The following IDS variants were observed in gnomAD, a reference collection of about 807,000 sequenced individuals.
The protein encoded by IDS is iduronate 2-sulfatase.
IDS carries 1 observed loss-of-function variant against 33.5 expected under a neutral mutation model. The observed-to-expected ratio is 0.03, with a 90% CI of 0.01 to 0.14. The LOEUF (loss-of-function observed/expected upper bound fraction) is 0.14, where lower values mean the gene tolerates loss of function less well. IDS is among the 10% of genes least tolerant of loss of function. IDS has a pLI of 1.00. For missense variants in IDS, 328 were observed against 448.0 expected (o/e 0.73, Z 2.42); for synonymous variants, 191 against 184.4 (o/e 1.04, Z -0.29).
intron 6 of IDS, among the ~76,000 whole-genome samples, chrX:149,493,213 G>A (rs2089408196): frequency 8.9e-6 from 1 of 112,324 alleles, no homozygotes; most frequent in African/African-American, 3.2e-5. Flanking sequence ...GATATAGTGG[G>A]GGGCCTGGGA....
intron 7 of IDS, among the ~76,000 whole-genome samples, chrX:149,488,686 G>A (rs1432571261): frequency 9.1e-6 from 1 of 110,383 alleles, no homozygotes; most frequent in Non-Finnish European, 1.9e-5. Context: ...CTGACTGCAA[G>A]ATCGTATTGA....
chrX:149,488,533 G>T (rs782754830), intron 7 of IDS, among the ~76,000 whole-genome samples: 1 of 108,581 alleles, frequency 9.2e-6, no homozygotes, highest in Non-Finnish European at 1.9e-5. Flanking sequence ...GCAGCCAGGC[G>T]CTCTGTGGCA....
Position 149,480,518 on chromosome X carries a change from T to C in IDS, c.*2228A>G, listed in dbSNP as rs2089290151. The C allele has an allele frequency of 3.4e-6, 1 of 295,832 alleles. No homozygotes were observed. 24.4% of individuals were successfully genotyped at this position (295,832 alleles called of 1,213,427 possible). A position where few individuals can be genotyped will look rare whatever the true frequency, so the allele number is the denominator to read the frequency against. On this transcript the variant is annotated 3_prime_UTR_variant, in exon 9 of 9. Coordinates refer to ENST00000340855, the MANE Select transcript of IDS (RefSeq NM_000202.8). ...CAAAGAAAATCACAGTCCTGCTGTGTTGCCGAGGCTGGAATACAATGGCAC... is the reference window on the plus strand; with the variant it reads ...CAAAGAAAATCACAGTCCTGCTGTGCTGCCGAGGCTGGAATACAATGGCAC...
Position 149,498,018 on chromosome X carries a change from T to G in IDS, c.708+89A>C, listed in dbSNP as rs781862264. On this transcript the variant is annotated intron_variant, in intron 5 of 8. Coordinates refer to ENST00000340855, the MANE Select transcript of IDS (RefSeq NM_000202.8). ...ACCATGGTGCCTGGCGATGGCAGGA[T>G]GTAGCCACCTTCCCTGTGCAAATCC... is the stretch of plus-strand genomic sequence containing the variant. 1.1e-4 allele frequency: 88 copies of G among 817,213 alleles called. No homozygotes were observed. In the South Asian group the frequency reaches 1.9e-3, roughly 17 times the overall value. The allele number at this position is 817,213 out of a possible 1,213,427, so 67.3% of individuals were successfully genotyped here. A position where few individuals can be genotyped will look rare whatever the true frequency, so the allele number is the denominator to read the frequency against.
intron 8 of IDS, among the ~76,000 whole-genome samples, chrX:149,483,748 C>T (rs2089312401): frequency 8.9e-6 from 1 of 112,237 alleles, no homozygotes; most frequent in Non-Finnish European, 1.9e-5. Flanking sequence ...CACCATCTAT[C>T]TCCAGAACTC....
rs181631888 is a variant in IDS, at chrX:149,494,469, G to C, written c.879+1877C>G. ...GCCCCTGAGGTCACTGGCTCATGTA[G>C]AGCTGAGTTAGAGGGCTGGAGCTGA... On this transcript the variant is annotated intron_variant, in intron 6 of 8. Coordinates refer to ENST00000340855, the MANE Select transcript of IDS (RefSeq NM_000202.8). Among the ~76,000 whole-genome samples, 348 of 111,837 alleles carry C rather than the reference G, an allele frequency of 3.1e-3. 4 individuals are homozygous for C. Among genetic ancestry groups the C allele is most frequent in the African/African-American group, 9.3e-3 (285 of 30,738 alleles).
chrX:149,483,906 G>A (rs782592055), intron 8 of IDS, among the ~76,000 whole-genome samples: 1 of 112,560 alleles, frequency 8.9e-6, no homozygotes, highest in Non-Finnish European at 1.9e-5. Flanking sequence ...GGATTATACA[G>A]TATTTGTCCT....
chrX:149,490,445 A>C lies in IDS; in HGVS notation c.880-5T>G, dbSNP rs781798596. ...GTAGCTCTGGCGGATTTTCCGCTGCAAATTGAAAAAAAATAAAAATGAGAG... is the reference window on the plus strand; with the variant it reads ...GTAGCTCTGGCGGATTTTCCGCTGCCAATTGAAAAAAAATAAAAATGAGAG... On this transcript the variant is annotated splice_region_variant and splice_polypyrimidine_tract_variant and intron_variant, in intron 6 of 8. Coordinates refer to ENST00000340855, the MANE Select transcript of IDS (RefSeq NM_000202.8). 8.3e-7 allele frequency: 1 copy of C among 1,210,297 alleles called. No individual in the cohort carries two copies. Among genetic ancestry groups the C allele is most frequent in the South Asian group, 1.8e-5 (1 of 56,937 alleles).
Position 149,477,173 on chromosome X carries a change from AG to A in IDS, c.*5572del, listed in dbSNP as rs1345577843. ...CCCAAAACTACAATAAATTAGGGCA[AG>A]GGGTTTGTAAATGGCAGCTTCAGTC... is the stretch of plus-strand genomic sequence containing the variant. On this transcript the variant is annotated 3_prime_UTR_variant, in exon 9 of 9. Transcript: ENST00000340855. 1 of 112,407 alleles carries A rather than the reference AG, an allele frequency of 8.9e-6. No individual in the cohort carries two copies. The highest frequency in any genetic ancestry group is 9.4e-5 in the Admixed American group (1 of 10,667). The allele number at this position is 112,407 out of a possible 1,213,427, so 9.3% of individuals were successfully genotyped here.
intron 7 of IDS, among the ~76,000 whole-genome samples, chrX:149,488,594 C>T (rs2089361138): frequency 9.3e-6 from 1 of 107,121 alleles, no homozygotes; most frequent in Non-Finnish European, 1.9e-5. Flanking sequence ...TTGTGAGCTG[C>T]CCTGCACCAG....
At chrX:149,502,221 A>G (rs1557340081) in intron 3 of IDS, 1 of 320,146 alleles carries the variant, frequency 3.1e-6, no homozygotes, top group Admixed American at 3.2e-5. Flanking sequence ...TGGTGCTTAG[A>G]GCCTGGTGCC....
intron 6 of IDS, among the ~76,000 whole-genome samples, chrX:149,492,147 T>C (rs1557338817): frequency 8.9e-6 from 1 of 112,021 alleles, no homozygotes. Flanking sequence ...CCACACTCCC[T>C]TGTACCTACT....
intron 6 of IDS, among the ~76,000 whole-genome samples, chrX:149,492,160 T>G (rs944918960): frequency 8.9e-6 from 1 of 112,072 alleles, no homozygotes; most frequent in East Asian, 2.8e-4. Flanking sequence ...TACCTACTCC[T>G]TGCCCTCTGC....
At chrX:149,504,446 T>C (rs1409640516) in intron 1 of IDS, among the ~76,000 whole-genome samples, 153 bp from the exon 2 acceptor site, 1 of 110,045 alleles carries the variant, frequency 9.1e-6, no homozygotes, top group Non-Finnish European at 1.9e-5. Context: ...AGGGTGGGAG[T>C]GGGGCTCGAG....
At chrX:149,494,975 A>G (rs2089424208) in intron 6 of IDS, among the ~76,000 whole-genome samples, 1 of 111,703 alleles carries the variant, frequency 9.0e-6, no homozygotes, top group South Asian at 3.7e-4. Context: ...GGCTCCACCC[A>G]GCACTAATTT....
chrX:149,494,724 C>T (rs2089421977), intron 6 of IDS, among the ~76,000 whole-genome samples: 1 of 112,058 alleles, frequency 8.9e-6, no homozygotes, highest in African/African-American at 3.3e-5. Context: ...GTCCTAGATA[C>T]TTCTACATGC....
At chrX:149,491,026 A>G (rs1557338676) in intron 6 of IDS, among the ~76,000 whole-genome samples, 2 of 112,342 alleles carry the variant, frequency 1.8e-5, no homozygotes, top group African/African-American at 6.5e-5. Flanking sequence ...CATCTGCAAT[A>G]AACCTATTTC....
At position 149,477,756 on chromosome X, in the gene IDS, A is replaced by G. The variant is rs1232134290; in HGVS notation, c.*4990T>C. On this transcript the variant is annotated 3_prime_UTR_variant, in exon 9 of 9. Coordinates refer to ENST00000340855, the MANE Select transcript of IDS (RefSeq NM_000202.8). The stretch of plus-strand genomic sequence containing the variant: ...GCTTTCAGTAACATGTGGAAAGGCA[A>G]GACCCAAGAGCAGTGAGGGCTCTTG... 1.8e-5 allele frequency: 2 copies of G among 112,779 alleles called. No individual in the cohort carries two copies. Among genetic ancestry groups the G allele is most frequent in the African/African-American group, 6.4e-5 (2 of 31,041 alleles). 9.3% of individuals were successfully genotyped at this position (112,779 alleles called of 1,213,427 possible).
chrX:149,503,923 G>A lies in IDS; in HGVS notation c.240+234C>T, dbSNP rs1156272107. Among the ~76,000 whole-genome samples, 3 of 111,608 alleles carry A rather than the reference G, an allele frequency of 2.7e-5. No individual in the cohort carries two copies. In the East Asian group the frequency reaches 8.5e-4, roughly 32 times the overall value. ...GGAGAAAGCTGGCCAGGGCTGCCATGAACACATCAGGGCCAGGGCGCACCT... is the reference window on the plus strand; with the variant it reads ...GGAGAAAGCTGGCCAGGGCTGCCATAAACACATCAGGGCCAGGGCGCACCT... On this transcript the variant is annotated intron_variant, in intron 2 of 8. Coordinates refer to ENST00000340855, the MANE Select transcript of IDS (RefSeq NM_000202.8).
Sources: gnomAD v4.1 joint callset for allele counts (sites outside exome capture counted in the v4.1 genomes callset) on GRCh38, gnomAD v4.1.1 for gene constraint, MANE v1.5 for transcripts, NCBI Gene and HGNC (gene_info 2026-07-23, HGNC 2026-07-21) for gene names.